Variants in PHACTR2 observed in about 807,000 individuals in gnomAD.
The protein encoded by PHACTR2 is phosphatase and actin regulator 2.
In PHACTR2, 30 loss-of-function variants were observed where a neutral mutation model predicts 76.0. The observed-to-expected ratio is 0.39, with a 90% CI of 0.30 to 0.54. The LOEUF (loss-of-function observed/expected upper bound fraction) is 0.54, where lower values mean the gene tolerates loss of function less well. Ranked by LOEUF, PHACTR2 falls within the 20% of genes least tolerant of loss-of-function variation. The pLI is 0.61. For synonymous variants in PHACTR2, 292 were observed against 292.5 expected (o/e 1.00, Z 0.02); for missense variants, 696 against 781.1 (o/e 0.89, Z 1.30).
chr6:143,820,433 G>A lies in PHACTR2; in HGVS notation c.1923-3241G>A, dbSNP rs1036173531. Among the ~76,000 whole-genome samples, 9 of 151,942 alleles carry A rather than the reference G, an allele frequency of 5.9e-5. No individual in the cohort carries two copies. The highest frequency in any genetic ancestry group is 9.7e-5 in the African/African-American group (4 of 41,336). On this transcript the variant is annotated intron_variant, in intron 12 of 12. Transcript: ENST00000440869. This position sits in a 1 kb window ranked among gnomAD's most constrained non-coding sequence, Gnocchi z 4.2. ...AGATCTATACTGGGTAAACATTCCC[G>A]TTCCCAAAGGGAGAAATCAGACAAA... is the stretch of plus-strand genomic sequence containing the variant.
Position 143,653,361 on chromosome 6 carries a change from A to G in PHACTR2, c.13+45039A>G, listed in dbSNP as rs1006821180. ...TTGCCTTTAATACTTCCCTGTTGCT[A>G]TTGCTAAACCCCTTACCTTATACAG... On this transcript the variant is annotated intron_variant, in intron 1 of 11. Transcript: ENST00000305766. This position sits in a 1 kb window ranked among gnomAD's most constrained non-coding sequence, Gnocchi z 4.9. 2.0e-5 allele frequency among the ~76,000 whole-genome samples: 3 copies of G among 152,064 alleles called. No individual in the cohort carries two copies. The highest frequency in any genetic ancestry group is 6.6e-5 in the Admixed American group (1 of 15,266).
At chr6:143,620,709 G>A (rs963998172) in intron 1 of PHACTR2, among the ~76,000 whole-genome samples, 2 of 152,138 alleles carry the variant, frequency 1.3e-5, no homozygotes, top group African/African-American at 4.8e-5. Context: ...CTTGGCCATC[G>A]GCCAACCCAC....
chr6:143,821,743 C>A lies in PHACTR2; in HGVS notation c.1923-1931C>A, dbSNP rs969851631. Among the ~76,000 whole-genome samples the A allele has an allele frequency of 6.6e-6, 1 of 152,318 alleles. No individual in the cohort carries two copies. Among genetic ancestry groups the A allele is most frequent in the South Asian group, 2.1e-4 (1 of 4,824 alleles). ...GTGTGGTGGATCAAACCTGTAATCG[C>A]AGCACGCTGGGAGGCCGAGGACAGA... On this transcript the variant is annotated intron_variant, in intron 12 of 12. Coordinates refer to ENST00000440869, the MANE Select transcript of PHACTR2 (RefSeq NM_001100164.2). The surrounding 1 kb of genome is among the most constrained non-coding windows in gnomAD (Gnocchi z 5.2).
At position 143,653,357 on chromosome 6, in the gene PHACTR2, T is replaced by TG. The variant is rs1425252657; in HGVS notation, c.13+45036dup. 6.6e-6 allele frequency among the ~76,000 whole-genome samples: 1 copy of TG among 152,140 alleles called. No homozygotes were observed. Among genetic ancestry groups the TG allele is most frequent in the Non-Finnish European group, 1.5e-5 (1 of 68,030 alleles). ...CTTATTGCCTTTAATACTTCCCTGT[T>TG]GCTATTGCTAAACCCCTTACCTTAT... On this transcript the variant is annotated intron_variant, in intron 1 of 11. Coordinates refer to the PHACTR2 transcript ENST00000305766. This position sits in a 1 kb window ranked among gnomAD's most constrained non-coding sequence, Gnocchi z 4.9.
chr6:143,619,162 G>GTCCA lies in PHACTR2; in HGVS notation c.13+10855_13+10858dup, dbSNP rs35139295. Among the ~76,000 whole-genome samples, 81,379 of 150,980 alleles carry GTCCA rather than the reference G, an allele frequency of 0.54. 24,219 individuals are homozygous for GTCCA. The highest frequency in any genetic ancestry group is 0.69 in the Non-Finnish European group (46,539 of 67,544). On this transcript the variant is annotated intron_variant, in intron 1 of 11. Transcript: ENST00000305766. The surrounding 1 kb of genome is among the most constrained non-coding windows in gnomAD (Gnocchi z 4.5). ...TTAAAATCTTCCTGCCTGTCTGTCT[G>GTCCA]TCCATCCATCCATCCATCTACCTGC... is the stretch of plus-strand genomic sequence containing the variant.
At position 143,734,399 on chromosome 6, in the gene PHACTR2, C is replaced by G. The variant is rs572843356; in HGVS notation, c.215-14586C>G. Among the ~76,000 whole-genome samples, 3 of 152,222 alleles carry G rather than the reference C, an allele frequency of 2.0e-5. No homozygotes were observed. In the East Asian group the frequency reaches 5.8e-4, roughly 29 times the overall value. On this transcript the variant is annotated intron_variant, in intron 2 of 12. Transcript: ENST00000440869. ...GTGGGATATTGTGTTTAATCCAAGCCGAGCTCTGGATTTAAATGGGTTGCA... is the reference window on the plus strand; with the variant it reads ...GTGGGATATTGTGTTTAATCCAAGCGGAGCTCTGGATTTAAATGGGTTGCA...
At chr6:143,590,577 A>G (rs1451660784) in intron 1 of PHACTR2, among the ~76,000 whole-genome samples, 1 of 151,674 alleles carries the variant, frequency 6.6e-6, no homozygotes, top group African/African-American at 2.4e-5. Context: ...TTGCAATCAC[A>G]AGTGGGTGCT....
intron 1 of PHACTR2, among the ~76,000 whole-genome samples, chr6:143,669,196 T>C (rs772921078): frequency 6.6e-6 from 1 of 152,248 alleles, no homozygotes; most frequent in Non-Finnish European, 1.5e-5. Flanking sequence ...GTAAGTTTCT[T>C]AATCCTGAGT....
chr6:143,684,536 G>A lies in PHACTR2; in HGVS notation c.46+6327G>A, dbSNP rs906656996. On this transcript the variant is annotated intron_variant, in intron 1 of 12. Coordinates refer to ENST00000440869, the MANE Select transcript of PHACTR2 (RefSeq NM_001100164.2). This position sits in a 1 kb window ranked among gnomAD's most constrained non-coding sequence, Gnocchi z 4.3. ...TGACATATTAGCAGTAGAGTTGCTA[G>A]GTCAAAAGATTTGTGTGTTTTATTT... Among the ~76,000 whole-genome samples, 2 of 152,170 alleles carry A rather than the reference G, an allele frequency of 1.3e-5. No individual in the cohort carries two copies. Among genetic ancestry groups the A allele is most frequent in the African/African-American group, 4.8e-5 (2 of 41,438 alleles).
rs552804547 is a variant in PHACTR2, at chr6:143,617,638, C to T, written c.13+9316C>T. On this transcript the variant is annotated intron_variant, in intron 1 of 11. Coordinates refer to the PHACTR2 transcript ENST00000305766. This position sits in a 1 kb window ranked among gnomAD's most constrained non-coding sequence, Gnocchi z 4.8. ...TTTCCCCTTTCTCTCCCTCCTTCCTCCCTCCAGTCTAGCAGGCCAGTCTAG... is the reference window on the plus strand; with the variant it reads ...TTTCCCCTTTCTCTCCCTCCTTCCTTCCTCCAGTCTAGCAGGCCAGTCTAG... Among the ~76,000 whole-genome samples, 11 of 152,280 alleles carry T rather than the reference C, an allele frequency of 7.2e-5. No homozygotes were observed. The South Asian group carries it at 2.1e-3, about 29-fold the overall frequency.
At position 143,539,593 on chromosome 6, in the gene PHACTR2, C is replaced by T. The variant is rs955327262; in HGVS notation, c.217+2386C>T. The stretch of plus-strand genomic sequence containing the variant: ...GGGTTACACGCCTTGTAAAAACATT[C>T]CTTGGCCTAACACTATAGTAGCCCA... On this transcript the variant is annotated intron_variant, in intron 1 of 11. Transcript: ENST00000367584. This position sits in a 1 kb window ranked among gnomAD's most constrained non-coding sequence, Gnocchi z 4.3. 2.0e-5 allele frequency among the ~76,000 whole-genome samples: 3 copies of T among 152,156 alleles called. No individual in the cohort carries two copies. Among genetic ancestry groups the T allele is most frequent in the Non-Finnish European group, 4.4e-5 (3 of 68,026 alleles).
rs1173035902 is a variant in PHACTR2, at chr6:143,688,316, G to T, written c.46+10107G>T. 1.3e-5 allele frequency among the ~76,000 whole-genome samples: 2 copies of T among 152,146 alleles called. No individual in the cohort carries two copies. Among genetic ancestry groups the T allele is most frequent in the Admixed American group, 6.5e-5 (1 of 15,274 alleles). ...AAGTAGGCTGGAATAATCCAGCAAG[G>T]TGAAGTGGATGCCTGATCTGGGGTG... On this transcript the variant is annotated intron_variant, in intron 1 of 12. Transcript: ENST00000440869. The surrounding 1 kb of genome is among the most constrained non-coding windows in gnomAD (Gnocchi z 5.2).
chr6:143,638,303 G>A (rs1327956804), intron 1 of PHACTR2, among the ~76,000 whole-genome samples: 1 of 152,162 alleles, frequency 6.6e-6, no homozygotes, highest in Non-Finnish European at 1.5e-5. Context: ...ACTTTGGGAA[G>A]CCAAGGTGGG....
At chr6:143,613,226 C>T (rs1562248039) in intron 1 of PHACTR2, among the ~76,000 whole-genome samples, 1 of 152,252 alleles carries the variant, frequency 6.6e-6, no homozygotes, top group Non-Finnish European at 1.5e-5. Context: ...CCACCCGCCT[C>T]GGCCTCCCGA....
At chr6:143,796,328 C>G (rs1775819335) in intron 11 of PHACTR2, among the ~76,000 whole-genome samples, 1 of 152,076 alleles carries the variant, frequency 6.6e-6, no homozygotes, top group Non-Finnish European at 1.5e-5. Context: ...TAATTCTGGC[C>G]CCACAGCTCA....
intron 1 of PHACTR2, among the ~76,000 whole-genome samples, chr6:143,667,959 G>C (rs926605297): frequency 6.6e-6 from 1 of 152,146 alleles, no homozygotes; most frequent in African/African-American, 2.4e-5. Flanking sequence ...GTCTTGTGCT[G>C]GTTTTCAAAG....
rs73577991 is a variant in PHACTR2, at chr6:143,709,611, G to T, written c.47-2405G>T. On this transcript the variant is annotated intron_variant, in intron 1 of 12. Transcript: ENST00000440869. The surrounding 1 kb of genome is among the most constrained non-coding windows in gnomAD (Gnocchi z 4.4). ...GCAGTGGGTGCCGCCTTGTCACCCC[G>T]ACATGGAGGTAAAAATCCCATTTCT... is the stretch of plus-strand genomic sequence containing the variant. Among the ~76,000 whole-genome samples the T allele has an allele frequency of 0.079, 12,036 of 152,164 alleles. 1,004 individuals carry two copies. Among genetic ancestry groups the T allele is most frequent in the African/African-American group, 0.22 (9,039 of 41,462 alleles).
chr6:143,631,951 C>T (rs1180162209), intron 1 of PHACTR2, among the ~76,000 whole-genome samples: 2 of 152,148 alleles, frequency 1.3e-5, no homozygotes, highest in African/African-American at 4.8e-5. Context: ...GCCATTTATG[C>T]TGGAAAATTG....
upstream of PHACTR2, among the ~76,000 whole-genome samples, chr6:143,674,482 A>G (rs961790093): frequency 3.9e-5 from 6 of 152,252 alleles, no homozygotes; most frequent in African/African-American, 9.6e-5. This position sits in a 1 kb window ranked among gnomAD's most constrained non-coding sequence, Gnocchi z 4.9. Flanking sequence ...CAGGGTGTCT[A>G]TGGTCAAATC....
Sources: gnomAD v4.1 joint callset for allele counts (sites outside exome capture counted in the v4.1 genomes callset) on GRCh38, gnomAD v4.1.1 for gene constraint, Gnocchi (gnomAD v3.1) non-coding constraint, MANE v1.5 for transcripts, NCBI Gene and HGNC (gene_info 2026-07-23, HGNC 2026-07-21) for gene names.